ARHGAP6: variants seen among roughly 807,000 people sequenced by gnomAD.
The protein encoded by ARHGAP6 is rho GTPase-activating protein 6.
ARHGAP6 carries 16 observed loss-of-function variants against 55.7 expected under a neutral mutation model. That is an observed-to-expected ratio of 0.29 (90% confidence interval 0.19 to 0.44). The LOEUF (loss-of-function observed/expected upper bound fraction) is 0.44, where lower values mean the gene tolerates loss of function less well. Among genes scored for constraint, ARHGAP6 ranks in the 20% least tolerant of loss-of-function variants. The pLI is 1.00. For missense variants in ARHGAP6, 698 were observed against 808.9 expected (o/e 0.86, Z 1.66); for synonymous variants, 382 against 360.9 (o/e 1.06, Z -0.66).
At chrX:11,534,989 T>TA (rs1228877471) in intron 1 of ARHGAP6, among the ~76,000 whole-genome samples, 1 of 111,538 alleles carries the variant, frequency 9.0e-6, no homozygotes, top group African/African-American at 3.3e-5. Context: ...TGCATTTTTA[T>TA]ATACTGATAC....
At chrX:11,520,045 C>T (rs1476446291) in intron 1 of ARHGAP6, among the ~76,000 whole-genome samples, 6 of 91,519 alleles carry the variant, frequency 6.6e-5, no homozygotes, top group Non-Finnish European at 1.3e-4. Context: ...TCAGAGTGAA[C>T]AGGCAACCTA....
intron 2 of ARHGAP6, among the ~76,000 whole-genome samples, chrX:11,233,840 T>C (rs551423945): frequency 1.8e-5 from 2 of 112,309 alleles, no homozygotes; most frequent in South Asian, 3.7e-4. Context: ...AAAAAGCCTA[T>C]AAAGAAATAC....
chrX:11,160,234 G>T (rs1944798463), intron 9 of ARHGAP6, among the ~76,000 whole-genome samples: 2 of 108,505 alleles, frequency 1.8e-5, no homozygotes, highest in Non-Finnish European at 3.8e-5. Context: ...CAGATCACGA[G>T]GTCAGGAGAT....
intron 1 of ARHGAP6, among the ~76,000 whole-genome samples, chrX:11,388,035 A>G (rs1257028282): frequency 4.5e-5 from 5 of 111,788 alleles, no homozygotes; most frequent in South Asian, 3.8e-4. Context: ...TGTCTTTATA[A>G]CAGCATGATT....
At chrX:11,498,155 G>A (rs2050642110) in intron 1 of ARHGAP6, among the ~76,000 whole-genome samples, 1 of 111,544 alleles carries the variant, frequency 9.0e-6, no homozygotes. Context: ...ATAAGGGTAT[G>A]TTCTTTCTGA....
At chrX:11,331,581 A>T (rs1377915007) in intron 1 of ARHGAP6, among the ~76,000 whole-genome samples, 1 of 111,772 alleles carries the variant, frequency 8.9e-6, no homozygotes, top group Non-Finnish European at 1.9e-5. Flanking sequence ...AAATAGGTAA[A>T]AGACATGAGC....
chrX:11,554,619 G>C (rs940729832), intron 1 of ARHGAP6, among the ~76,000 whole-genome samples: 2 of 111,836 alleles, frequency 1.8e-5, no homozygotes, highest in African/African-American at 6.5e-5. Flanking sequence ...TAAATCTTTT[G>C]AAGTTAGAAA....
chrX:11,510,252 T>C (rs986838049), intron 1 of ARHGAP6, among the ~76,000 whole-genome samples: 3 of 111,300 alleles, frequency 2.7e-5, no homozygotes, highest in African/African-American at 9.8e-5. Flanking sequence ...TAGAAGAAAG[T>C]TGGAGGAAAA....
chrX:11,478,576 G>A (rs1250195106), intron 1 of ARHGAP6, among the ~76,000 whole-genome samples: 1 of 111,615 alleles, frequency 9.0e-6, no homozygotes, highest in Non-Finnish European at 1.9e-5. Flanking sequence ...TGATGGAGAT[G>A]TTTTATATCT....
At chrX:11,253,776 G>A (rs1019904958) in intron 2 of ARHGAP6, among the ~76,000 whole-genome samples, 124 of 110,410 alleles carry the variant, frequency 1.1e-3, no homozygotes, top group African/African-American at 3.7e-3. Flanking sequence ...GTGGTGGTGT[G>A]CACCTATAAT....
intron 1 of ARHGAP6, among the ~76,000 whole-genome samples, chrX:11,345,228 G>A (rs2048764797): frequency 9.0e-6 from 1 of 110,911 alleles, no homozygotes; most frequent in African/African-American, 3.3e-5. Flanking sequence ...GTGATGCTCT[G>A]AATATATACT....
chrX:11,660,425 G>C (rs1211587572), intron 1 of ARHGAP6, among the ~76,000 whole-genome samples: 1 of 105,879 alleles, frequency 9.4e-6, no homozygotes, highest in Non-Finnish European at 1.9e-5. Flanking sequence ...CGCAGCTACT[G>C]GGGAGGCTGA....
chrX:11,252,434 G>A (rs2047436415), intron 2 of ARHGAP6, among the ~76,000 whole-genome samples: 1 of 112,496 alleles, frequency 8.9e-6, no homozygotes, highest in Admixed American at 9.4e-5. Flanking sequence ...TTATGTTGGA[G>A]GGAGAACAGG....
chrX:11,369,354 G>T (rs906770821), intron 1 of ARHGAP6, among the ~76,000 whole-genome samples: 1 of 111,046 alleles, frequency 9.0e-6, no homozygotes. Flanking sequence ...TATTCAGCAG[G>T]TCTGGAATGG....
chrX:11,390,511 T>C (rs2049389394), intron 1 of ARHGAP6, among the ~76,000 whole-genome samples: 1 of 110,791 alleles, frequency 9.0e-6, no homozygotes, highest in Non-Finnish European at 1.9e-5. Context: ...GAAACTACCA[T>C]CAGAGTGAAC....
At chrX:11,573,300 A>C (rs1415911858) in intron 1 of ARHGAP6, among the ~76,000 whole-genome samples, 1 of 109,030 alleles carries the variant, frequency 9.2e-6, no homozygotes, top group African/African-American at 3.4e-5. Context: ...GTTTTCTTCT[A>C]GGGTTTTTAT....
rs769163728 is a variant in ARHGAP6 at position 11,154,357 on chromosome X, G to C, written c.1907+2172C>G. On this transcript the variant is annotated intron_variant, in intron 10 of 12. Coordinates refer to ENST00000337414, the MANE Select transcript of ARHGAP6 (RefSeq NM_013427.3). Reference sequence around the variant, plus strand: ...TACGGATAGGGAACAGAAGGGGCTGGACAATTGTACAGCTTGGAATGGGCT... The same window carrying C: ...TACGGATAGGGAACAGAAGGGGCTGCACAATTGTACAGCTTGGAATGGGCT... Among the ~76,000 whole-genome samples, 16 of 112,046 alleles carry C rather than the reference G, an allele frequency of 1.4e-4. No individual in the cohort carries two copies. The East Asian group carries it at 3.9e-3, about 27-fold the overall frequency.
intron 10 of ARHGAP6, chrX:11,145,212 CT>C (rs2045673139): frequency 8.9e-6 from 1 of 112,382 alleles, no homozygotes; most frequent in African/African-American, 3.2e-5. Flanking sequence ...TCTTTGCTCT[CT>C]TTTGGCTTAA....
chrX:11,647,205 GCA>G (rs1428328661), intron 1 of ARHGAP6, among the ~76,000 whole-genome samples: 1 of 112,246 alleles, frequency 8.9e-6, no homozygotes, highest in Non-Finnish European at 1.9e-5. Context: ...AAAGAAAACA[GCA>G]CACACTGCTA....
Sources: allele counts gnomAD v4.1 joint callset (sites outside exome capture counted in the v4.1 genomes callset), GRCh38; gene constraint gnomAD v4.1.1; transcripts MANE v1.5; gene names NCBI Gene and HGNC (gene_info 2026-07-23, HGNC 2026-07-21).